Variants in ADAMTS5 observed in about 807,000 individuals in gnomAD.
ADAMTS5 encodes the protein ADAM metallopeptidase with thrombospondin type 1 motif 5, also known as A disintegrin and metalloproteinase with thrombospondin motifs 5.
ADAMTS5 carries 54 observed loss-of-function variants against 81.4 expected under a neutral mutation model. That is an observed-to-expected ratio of 0.66 (90% CI 0.53 to 0.83). The LOEUF (loss-of-function observed/expected upper bound fraction) is 0.83, where lower values mean the gene tolerates loss of function less well. ADAMTS5 is among the 40% of genes least tolerant of loss of function. The pLI is 0.00. For synonymous variants in ADAMTS5, 532 were observed against 508.8 expected (o/e 1.05, Z -0.61); for missense variants, 1,194 against 1,229.9 (o/e 0.97, Z 0.44).
chr21:26,951,439 A>G (rs1224702888), intron 2 of ADAMTS5, among the ~76,000 whole-genome samples: 2 of 152,080 alleles, frequency 1.3e-5, no homozygotes, highest in Non-Finnish European at 2.9e-5. Flanking sequence ...TACTTTGACC[A>G]TATACACATC....
chr21:26,954,240 C>G (rs1987375954), intron 2 of ADAMTS5, among the ~76,000 whole-genome samples: 1 of 151,490 alleles, frequency 6.6e-6, no homozygotes, highest in Non-Finnish European at 1.5e-5. Flanking sequence ...GGCTTGGCTT[C>G]CTTTCCTTGC....
At position 26,923,803 on chromosome 21, in the gene ADAMTS5, G is replaced by C; in HGVS notation, c.*250C>G. The stretch of plus-strand genomic sequence containing the variant: ...ATGTCCCCTGATTTTACATTCATCA[G>C]TGTTTCTTGTAAGCCCAGGGGATGT... On this transcript the variant is annotated 3_prime_UTR_variant, in exon 8 of 8. Coordinates refer to ENST00000284987, the MANE Select transcript of ADAMTS5 (RefSeq NM_007038.5). The C allele has an allele frequency of 2.4e-6, 1 of 415,050 alleles. No individual in the cohort carries two copies. Among genetic ancestry groups the C allele is most frequent in the Admixed American group, 3.8e-5 (1 of 26,162 alleles). 25.7% of individuals were successfully genotyped at this position (415,050 alleles called of 1,614,324 possible). A position where few individuals can be genotyped will look rare whatever the true frequency, so the allele number is the denominator to read the frequency against.
chr21:26,931,137 C>T (rs571829776), intron 6 of ADAMTS5, among the ~76,000 whole-genome samples: 1 of 152,162 alleles, frequency 6.6e-6, no homozygotes, highest in Non-Finnish European at 1.5e-5. Flanking sequence ...ATCTCTGCCT[C>T]CCGAGTTCAA....
chr21:26,935,956 C>A (rs75006665), intron 3 of ADAMTS5, among the ~76,000 whole-genome samples: 1,640 of 152,278 alleles, frequency 0.011, 13 homozygotes, highest in Non-Finnish European at 0.016. Context: ...TTAATCCTCA[C>A]CACAACCCCA....
At chr21:26,929,414 A>C (rs886068351) in intron 7 of ADAMTS5, among the ~76,000 whole-genome samples, 3 of 152,236 alleles carry the variant, frequency 2.0e-5, no homozygotes, top group African/African-American at 7.2e-5. Context: ...GATATAAACC[A>C]GGATACTTCA....
At chr21:26,937,247 C>T (rs1987031735) in intron 3 of ADAMTS5, among the ~76,000 whole-genome samples, 3 of 152,194 alleles carry the variant, frequency 2.0e-5, no homozygotes, top group Admixed American at 6.5e-5. Flanking sequence ...CAAGATGTGG[C>T]ATCTCTTTAA....
intron 2 of ADAMTS5, among the ~76,000 whole-genome samples, chr21:26,952,282 G>A (rs1223141679): frequency 3.9e-5 from 6 of 152,166 alleles, no homozygotes; most frequent in East Asian, 1.9e-4. Flanking sequence ...TTTCTCCTAC[G>A]TTGTTTCCTT....
chr21:26,932,396 TA>T (rs1213650626), intron 5 of ADAMTS5, among the ~76,000 whole-genome samples: 2 of 152,022 alleles, frequency 1.3e-5, no homozygotes, highest in African/African-American at 4.8e-5. Flanking sequence ...TAATAAAACT[TA>T]AAAATCACAT....
chr21:26,927,540 T>C (rs1271410342), intron 7 of ADAMTS5, among the ~76,000 whole-genome samples: 1 of 152,144 alleles, frequency 6.6e-6, no homozygotes, highest in Non-Finnish European at 1.5e-5. Context: ...AGAAAGTGCA[T>C]TCTGGTCAGA....
chr21:26,920,217 A>G lies in ADAMTS5; in HGVS notation c.*3836T>C, dbSNP rs999184037. ...AAATGACCTTGTTAACAAGGAAGGA[A>G]TCAATGGGGAAATATCACAACCAGA... On this transcript the variant is annotated 3_prime_UTR_variant, in exon 8 of 8. Transcript: ENST00000284987. 4.6e-5 allele frequency: 7 copies of G among 152,236 alleles called. No individual in the cohort carries two copies. Among genetic ancestry groups the G allele is most frequent in the African/African-American group, 1.2e-4 (5 of 41,560 alleles). The allele number at this position is 152,236 out of a possible 1,614,324, so 9.4% of individuals were successfully genotyped here.
rs1166803565 is a variant in ADAMTS5, at chr21:26,919,207, G to A, written c.*4846C>T. 32 of 150,992 alleles carry A rather than the reference G, an allele frequency of 2.1e-4. No individual in the cohort carries two copies. Among genetic ancestry groups the A allele is most frequent in the Admixed American group, 2.1e-3 (32 of 15,122 alleles). 9.4% of individuals were successfully genotyped at this position (150,992 alleles called of 1,614,324 possible). A position where few individuals can be genotyped will look rare whatever the true frequency, so the allele number is the denominator to read the frequency against. On this transcript the variant is annotated 3_prime_UTR_variant, in exon 8 of 8. Coordinates refer to ENST00000284987, the MANE Select transcript of ADAMTS5 (RefSeq NM_007038.5). Reference sequence around the variant, plus strand: ...AAGGAAAGTGGAAAAAAATTAAAAAGCATGCCCTGTTTTTTATTTGTTTTT... The same window carrying A: ...AAGGAAAGTGGAAAAAAATTAAAAAACATGCCCTGTTTTTTATTTGTTTTT...
chr21:26,941,424 T>G (rs1007705427), intron 3 of ADAMTS5, among the ~76,000 whole-genome samples: 3 of 152,050 alleles, frequency 2.0e-5, no homozygotes, highest in African/African-American at 7.2e-5. Flanking sequence ...CTTTAAAAAA[T>G]CAGAGCATAG....
Position 26,966,289 on chromosome 21 carries a change from G to T in ADAMTS5, c.103C>A (p.Pro35Thr). ...GGCTGGGCGGCTGCTGCAGCAGTCG[G>T]AGGCTGCCCGGCTTTATCCTGGGCA... ...TPAQDKAGQP[P>T]TAAAAAQPRR... is the part of the protein sequence containing the mutation. Residue 35 changes from proline to threonine, a missense_variant, in exon 1 of 8, where the codon CCG (proline) becomes ACG (threonine). By Grantham distance (38) the Pro-to-Thr change is conservative. This residue lies in a region of ADAMTS5 where 498 missense variants were observed against 412.3 expected (regional missense o/e 1.21). Transcript: ENST00000284987. 2 of 1,548,582 alleles carry T rather than the reference G, an allele frequency of 1.3e-6. No individual in the cohort carries two copies. Among genetic ancestry groups the T allele is most frequent in the Non-Finnish European group, 1.7e-6 (2 of 1,152,738 alleles).
At chr21:26,931,107 C>T (rs183256241) in intron 6 of ADAMTS5, among the ~76,000 whole-genome samples, 13 of 152,074 alleles carry the variant, frequency 8.5e-5, no homozygotes, top group South Asian at 2.1e-4. Context: ...AGTGCAGTGG[C>T]GTGATCTCGG....
chr21:26,954,822 C>A lies in ADAMTS5; in HGVS notation c.1154G>T (p.Gly385Val). The A allele has an allele frequency of 6.2e-7, 1 of 1,614,066 alleles. No homozygotes were observed. The part of the protein sequence containing the change: ...SCDTLGMADV[G>V]TICSPERSCA... ...GCTGCGCTCTGGAGAACATATGGTC[C>A]CAACGTCTGCCATTCCCAGGGTGTC... The change falls in exon 2 of 8, where the codon GGG becomes GTG. Residue 385 changes from glycine to valine, a missense_variant. Gly to Val is a moderately radical substitution (Grantham distance 109). This residue lies in a region of ADAMTS5 where 696 missense variants were observed against 817.6 expected (regional missense o/e 0.85). Coordinates refer to ENST00000284987, the MANE Select transcript of ADAMTS5 (RefSeq NM_007038.5).
In ADAMTS5 at chr21:26,918,427, A is replaced by G. The variant is rs1986622520; in HGVS notation, c.*5626T>C. ...AATATAGAAACCAAATATTTATGCA[A>G]TTGCTTCTATCAAATGCAACATATT... On this transcript the variant is annotated 3_prime_UTR_variant, in exon 8 of 8. Transcript: ENST00000284987. The G allele has an allele frequency of 6.6e-6, 1 of 152,108 alleles. No individual in the cohort carries two copies. Among genetic ancestry groups the G allele is most frequent in the Non-Finnish European group, 1.5e-5 (1 of 67,918 alleles). 9.4% of individuals were successfully genotyped at this position (152,108 alleles called of 1,614,324 possible).
At chr21:26,963,274 GA>G (rs1987564753) in intron 1 of ADAMTS5, among the ~76,000 whole-genome samples, 1 of 151,728 alleles carries the variant, frequency 6.6e-6, no homozygotes, top group South Asian at 2.1e-4. Flanking sequence ...TCAGACTTTG[GA>G]AAAATAGGGA....
chr21:26,965,814 T>C lies in ADAMTS5; in HGVS notation c.578A>G (p.Tyr193Cys), dbSNP rs1268665084. ...CTCGAAGCTGAAGCCCTCGCGGGTG[T>C]AGACGTGCAGGATCCGTGCGGACCC... The part of the protein sequence containing the change: ...GDGSARILHV[Y>C]TREGFSFEAL... The change falls in exon 1 of 8, where the codon TAC (tyrosine) becomes TGC (cysteine). Residue 193 changes from tyrosine (Y) to cysteine (C), a missense_variant. Physicochemically the swap from Tyr to Cys is radical, Grantham distance 194. Around this residue, in one of 2 missense-constraint regions of ADAMTS5, gnomAD observed 498 missense variants for 412.3 expected, o/e 1.21. Coordinates refer to ENST00000284987, the MANE Select transcript of ADAMTS5 (RefSeq NM_007038.5). 1.2e-6 allele frequency: 2 copies of C among 1,609,440 alleles called. No individual in the cohort carries two copies. Among genetic ancestry groups the C allele is most frequent in the Non-Finnish European group, 1.7e-6 (2 of 1,178,270 alleles).
rs200244843 is a variant in ADAMTS5 at position 26,921,734 on chromosome 21, C to A, written c.*2319G>T. 1 of 152,378 alleles carries A rather than the reference C, an allele frequency of 6.6e-6. No homozygotes were observed. Among genetic ancestry groups the A allele is most frequent in the African/African-American group, 2.4e-5 (1 of 41,406 alleles). 9.4% of individuals were successfully genotyped at this position (152,378 alleles called of 1,614,324 possible). A position where few individuals can be genotyped will look rare whatever the true frequency, so the allele number is the denominator to read the frequency against. ...CATAAGAAAAAGGTGGAGAAAACTA[C>A]TTAAAAGCATGGAATAGTGGTTTAA... is the stretch of plus-strand genomic sequence containing the variant. On this transcript the variant is annotated 3_prime_UTR_variant, in exon 8 of 8. Transcript: ENST00000284987.
Sources: allele counts gnomAD v4.1 joint callset (sites outside exome capture counted in the v4.1 genomes callset), GRCh38; gene constraint gnomAD v4.1.1; regional missense constraint gnomAD v4.1.1; transcripts MANE v1.5; gene names NCBI Gene and HGNC (gene_info 2026-07-23, HGNC 2026-07-21).